Variants in AGBL4 observed in about 807,000 individuals in gnomAD.
AGBL4 encodes the protein AGBL carboxypeptidase 4.
Under a neutral mutation model 66.4 loss-of-function variants are expected in AGBL4, and 58 were observed. That is an observed-to-expected ratio of 0.87 (90% CI 0.71 to 1.09). The LOEUF (loss-of-function observed/expected upper bound fraction) is 1.09. AGBL4 is among the 50% of genes least tolerant of loss of function. The pLI, the probability that AGBL4 is intolerant of heterozygous loss-of-function variation, is 0.00. For missense variants in AGBL4, 579 were observed against 631.0 expected (o/e 0.92, Z 0.88); for synonymous variants, 234 against 222.9 (o/e 1.05, Z -0.44).
chr1:49,787,623 G>A (rs1377559484), intron 2 of AGBL4, among the ~76,000 whole-genome samples: 1 of 152,072 alleles, frequency 6.6e-6, no homozygotes, highest in African/African-American at 2.4e-5. Flanking sequence ...TAGGTCACTA[G>A]AAAGACTCAG....
intron 4 of AGBL4, among the ~76,000 whole-genome samples, chr1:49,148,396 A>G (rs535553269): frequency 6.6e-6 from 1 of 152,182 alleles, no homozygotes; most frequent in East Asian, 1.9e-4. Flanking sequence ...TTCAGCTCCC[A>G]CTCAACACCC....
chr1:49,449,603 G>C (rs1279965595), intron 3 of AGBL4, among the ~76,000 whole-genome samples: 2 of 151,870 alleles, frequency 1.3e-5, no homozygotes, highest in Non-Finnish European at 2.9e-5. Context: ...AATTGGTATG[G>C]GATCCCCAGA....
intron 3 of AGBL4, among the ~76,000 whole-genome samples, chr1:49,600,183 A>G (rs1644927402): frequency 6.6e-6 from 1 of 152,124 alleles, no homozygotes; most frequent in South Asian, 2.1e-4. Context: ...ATTCTGACTC[A>G]TTGATTTGTC....
Position 49,007,843 on chromosome 1 carries a change from C to T in AGBL4, c.594+37741G>A, listed in dbSNP as rs572650531. ...AGCAAATGCTGAGAGATTTTGTCAC[C>T]ACCAGGCCTGCCCTAAATGAGCTCC... On this transcript the variant is annotated intron_variant, in intron 5 of 13. Coordinates refer to ENST00000371839, the MANE Select transcript of AGBL4 (RefSeq NM_032785.4). 7.3e-5 allele frequency among the ~76,000 whole-genome samples: 11 copies of T among 151,710 alleles called. No individual in the cohort carries two copies. In the South Asian group the frequency reaches 2.3e-3, roughly 32 times the overall value.
At chr1:48,917,051 G>A (rs1258792887) in intron 5 of AGBL4, among the ~76,000 whole-genome samples, 1 of 152,070 alleles carries the variant, frequency 6.6e-6, no homozygotes, top group Non-Finnish European at 1.5e-5. Flanking sequence ...GTTAGGAGAT[G>A]AAGAGAGGGA....
chr1:49,207,078 G>A (rs1570065133), intron 4 of AGBL4, among the ~76,000 whole-genome samples: 1 of 152,074 alleles, frequency 6.6e-6, no homozygotes, highest in Non-Finnish European at 1.5e-5. Context: ...ATTTCTGCAG[G>A]TATTGTTATG....
chr1:48,550,011 T>C (rs984627414), intron 11 of AGBL4, among the ~76,000 whole-genome samples: 2 of 152,120 alleles, frequency 1.3e-5, no homozygotes, highest in East Asian at 3.9e-4. Flanking sequence ...GGAGGCCTCT[T>C]TTTTGATGGG....
chr1:49,463,051 A>C (rs1036640339), intron 3 of AGBL4, among the ~76,000 whole-genome samples: 1 of 151,802 alleles, frequency 6.6e-6, no homozygotes, highest in African/African-American at 2.4e-5. Context: ...GTTAAAAAGA[A>C]AGGAAACTAA....
At chr1:49,834,496 G>A (rs1004761176) in intron 2 of AGBL4, among the ~76,000 whole-genome samples, 1 of 152,130 alleles carries the variant, frequency 6.6e-6, no homozygotes, top group Non-Finnish European at 1.5e-5. Context: ...AGTCTGGCTA[G>A]ATGTCTACCT....
At chr1:49,099,643 C>T (rs1645165616) in intron 4 of AGBL4, among the ~76,000 whole-genome samples, 1 of 152,148 alleles carries the variant, frequency 6.6e-6, no homozygotes, top group South Asian at 2.1e-4. Context: ...TTGTACTTAT[C>T]AGTCCATACT....
intron 5 of AGBL4, among the ~76,000 whole-genome samples, chr1:48,964,147 G>A (rs1421898738): frequency 6.6e-6 from 1 of 152,158 alleles, no homozygotes; most frequent in African/African-American, 2.4e-5. Flanking sequence ...TTCTATCTGG[G>A]AAGGATTGGA....
chr1:49,069,844 T>C lies in AGBL4; in HGVS notation c.378-24044A>G, dbSNP rs188443512. Reference sequence around the variant, plus strand: ...GGGCAGTATAGCCATTTTCACGATATTGATTCTTTCTATACATAAGCATGG... The same window carrying C: ...GGGCAGTATAGCCATTTTCACGATACTGATTCTTTCTATACATAAGCATGG... On this transcript the variant is annotated intron_variant, in intron 4 of 13. Transcript: ENST00000371839. Among the ~76,000 whole-genome samples, 352 of 152,066 alleles carry C rather than the reference T, an allele frequency of 2.3e-3. 3 individuals carry two copies. Among genetic ancestry groups the C allele is most frequent in the Admixed American group, 2.9e-3 (44 of 15,296 alleles).
chr1:49,349,963 G>A (rs1453390559), intron 3 of AGBL4, among the ~76,000 whole-genome samples: 1 of 152,138 alleles, frequency 6.6e-6, no homozygotes, highest in African/African-American at 2.4e-5. Context: ...TATCAACCCT[G>A]CTGACACATT....
chr1:49,571,487 T>C (rs562496454), intron 3 of AGBL4, among the ~76,000 whole-genome samples: 1 of 152,202 alleles, frequency 6.6e-6, no homozygotes, highest in East Asian at 1.9e-4. Context: ...GGCCTTTAGG[T>C]TGTTCTAAAT....
intron 1 of AGBL4, among the ~76,000 whole-genome samples, chr1:49,890,507 G>T (rs1648534271): frequency 1.3e-5 from 2 of 152,064 alleles, no homozygotes; most frequent in South Asian, 4.1e-4. Flanking sequence ...TTTATATTCT[G>T]GTTGGAGAGA....
chr1:49,773,773 G>A (rs1360342427), intron 2 of AGBL4, among the ~76,000 whole-genome samples: 1 of 152,172 alleles, frequency 6.6e-6, no homozygotes, highest in Admixed American at 6.5e-5. Context: ...CAACGGAGTG[G>A]TGCTACTTCT....
chr1:49,566,750 C>G (rs2148864219), intron 3 of AGBL4, among the ~76,000 whole-genome samples: 1 of 151,344 alleles, frequency 6.6e-6, no homozygotes, highest in Non-Finnish European at 1.5e-5. Flanking sequence ...GGGTTAGGGA[C>G]CCCTTGAGGA....
intron 5 of AGBL4, among the ~76,000 whole-genome samples, chr1:49,030,581 C>T (rs112020399): frequency 3.9e-5 from 6 of 151,900 alleles, no homozygotes; most frequent in African/African-American, 9.7e-5. Context: ...CAAAGGAGTG[C>T]GAACCCTATT....
chr1:49,648,299 C>T (rs982188051), intron 3 of AGBL4, among the ~76,000 whole-genome samples: 4 of 150,608 alleles, frequency 2.7e-5, no homozygotes, highest in African/African-American at 9.8e-5. Flanking sequence ...TCAATAGATA[C>T]CTCAAAAATG....
Sources: allele counts gnomAD v4.1 joint callset (sites outside exome capture counted in the v4.1 genomes callset), GRCh38; gene constraint gnomAD v4.1.1; transcripts MANE v1.5; gene names NCBI Gene and HGNC (gene_info 2026-07-23, HGNC 2026-07-21).